Variants in MGMT observed in about 807,000 individuals in gnomAD.
MGMT encodes the protein O-6-methylguanine-DNA methyltransferase, also known as methylated-DNA--protein-cysteine methyltransferase.
In MGMT, 14 loss-of-function variants were observed where a neutral mutation model predicts 15.9. The observed-to-expected ratio is 0.88, with a 90% CI of 0.58 to 1.37. The LOEUF is 1.37. MGMT is among the 40% of genes most tolerant of loss of function. MGMT has a pLI of 0.00. For synonymous variants in MGMT, 130 were observed against 118.2 expected, an observed-to-expected ratio of 1.10 and a Z score of -0.65; for missense variants, 282 against 268.1, an observed-to-expected ratio of 1.05 and a Z score of -0.36.
chr10:129,625,616 CA>C (rs530398677), intron 2 of MGMT, among the ~76,000 whole-genome samples: 9 of 152,032 alleles, frequency 5.9e-5, no homozygotes, highest in African/African-American at 2.2e-4. Flanking sequence ...TCATAGTAAC[CA>C]AAAAAAGCAT....
intron 3 of MGMT, among the ~76,000 whole-genome samples, chr10:129,739,813 A>C (rs1431902170): frequency 1.3e-5 from 2 of 152,118 alleles, no homozygotes; most frequent in African/African-American, 4.8e-5. Flanking sequence ...CATTAGTGTT[A>C]GTTATTTTAT....
At chr10:129,682,501 A>G (rs1485913932) in intron 2 of MGMT, among the ~76,000 whole-genome samples, 2 of 152,068 alleles carry the variant, frequency 1.3e-5, no homozygotes, top group Admixed American at 1.3e-4. Context: ...TCGTAGGTGT[A>G]GCCTGACAGG....
intron 2 of MGMT, among the ~76,000 whole-genome samples, chr10:129,661,888 A>G (rs1190263292): frequency 1.3e-5 from 2 of 152,178 alleles, no homozygotes; most frequent in Non-Finnish European, 2.9e-5. Flanking sequence ...TTTTCTACAT[A>G]GATGGTTTTG....
chr10:129,717,341 C>T (rs1280232637), intron 3 of MGMT, among the ~76,000 whole-genome samples: 1 of 152,226 alleles, frequency 6.6e-6, no homozygotes, highest in Non-Finnish European at 1.5e-5. Context: ...TTCTCCCAGT[C>T]TCTCGTTAAA....
intron 2 of MGMT, among the ~76,000 whole-genome samples, chr10:129,545,769 G>T (rs1370751459): frequency 6.6e-6 from 1 of 152,050 alleles, no homozygotes; most frequent in Non-Finnish European, 1.5e-5. Flanking sequence ...ATTTAAACTG[G>T]CTGCAACTAA....
rs929841142 is a variant in MGMT at position 129,578,499 on chromosome 10, C to G, written c.125+42122C>G. On this transcript the variant is annotated intron_variant, in intron 2 of 4. Transcript: ENST00000651593. ...ATTGAACAATGAGAACACATGGACA[C>G]AGGAAGGGGAACATCACACACTGGG... Among the ~76,000 whole-genome samples, 2 of 140,158 alleles carry G rather than the reference C, an allele frequency of 1.4e-5. 1 individual carries two copies. The highest frequency in any genetic ancestry group is 4.3e-4 in the South Asian group (2 of 4,628). The allele number at this position is 140,158 out of a possible 152,430, so 91.9% of individuals were successfully genotyped here.
Position 129,708,014 on chromosome 10 carries a change from C to T in MGMT, c.245C>T (p.Pro82Leu), listed in dbSNP as rs761952141. The T allele has an allele frequency of 1.4e-5, 22 of 1,613,560 alleles. No homozygotes were observed. Among genetic ancestry groups the T allele is most frequent in the South Asian group, 9.9e-5 (9 of 91,046 alleles). The change falls in exon 3 of 5, where the codon CCG becomes CTG. Residue 82 changes from proline (P) to leucine (L), a missense_variant. Physicochemically the swap from Pro to Leu is moderately conservative, Grantham distance 98. Transcript: ENST00000651593. ...QPEAIEEFPV[P>L]ALHHPVFQQE... ...GAGGCTATCGAAGAGTTCCCCGTGC[C>T]GGCTCTTCACCATCCCGTTTTCCAG...
chr10:129,738,039 C>A (rs571195908), intron 3 of MGMT, among the ~76,000 whole-genome samples: 23 of 152,348 alleles, frequency 1.5e-4, no homozygotes, highest in African/African-American at 5.5e-4. Context: ...GAGGTGGAGC[C>A]TACAGAGGCA....
At chr10:129,673,208 G>A (rs1051172214) in intron 2 of MGMT, among the ~76,000 whole-genome samples, 1 of 151,954 alleles carries the variant, frequency 6.6e-6, no homozygotes. Context: ...CCTCCTGTAC[G>A]CTGGCCCAAA....
chr10:129,622,681 G>A (rs1847103900), intron 2 of MGMT, among the ~76,000 whole-genome samples: 1 of 152,068 alleles, frequency 6.6e-6, no homozygotes, highest in Non-Finnish European at 1.5e-5. Flanking sequence ...GTGTATATGT[G>A]CTTAACTGTT....
At chr10:129,679,493 A>T (rs1222454184) in intron 2 of MGMT, among the ~76,000 whole-genome samples, 1 of 152,180 alleles carries the variant, frequency 6.6e-6, no homozygotes, top group Admixed American at 6.5e-5. Flanking sequence ...ACAGCTTGAG[A>T]AATGTTGGTA....
chr10:129,550,304 G>C (rs1269411095), intron 2 of MGMT, among the ~76,000 whole-genome samples: 1 of 150,758 alleles, frequency 6.6e-6, no homozygotes, highest in Admixed American at 6.6e-5. Flanking sequence ...ATGTTTCACA[G>C]TGTTCCGCAG....
intron 1 of MGMT, among the ~76,000 whole-genome samples, chr10:129,474,015 AC>A (rs2119618768): frequency 6.6e-6 from 1 of 152,276 alleles, no homozygotes; most frequent in South Asian, 2.1e-4. Flanking sequence ...GACTGTGGCT[AC>A]CGGTCAGGTT....
At chr10:129,559,339 A>G (rs56160942) in intron 2 of MGMT, among the ~76,000 whole-genome samples, 4,942 of 152,286 alleles carry the variant, frequency 0.032, 129 homozygotes, top group South Asian at 0.064. Flanking sequence ...CTGCGATCCC[A>G]TAAGACCTTT....
chr10:129,618,040 A>C (rs1564738719), intron 2 of MGMT, among the ~76,000 whole-genome samples: 3 of 151,958 alleles, frequency 2.0e-5, no homozygotes, highest in Non-Finnish European at 4.4e-5. Context: ...TGTCTCCGGG[A>C]TTCTTGGCCT....
intron 1 of MGMT, among the ~76,000 whole-genome samples, chr10:129,502,274 T>C (rs1845581712): frequency 6.6e-6 from 1 of 151,810 alleles, no homozygotes; most frequent in Non-Finnish European, 1.5e-5. Flanking sequence ...GTAACCTCCC[T>C]GTCTGCTTCT....
At chr10:129,613,298 A>G (rs1052995474) in intron 2 of MGMT, among the ~76,000 whole-genome samples, 1 of 152,228 alleles carries the variant, frequency 6.6e-6, no homozygotes, top group African/African-American at 2.4e-5. Context: ...TTTGCTGTCC[A>G]GTGATTAAAA....
At chr10:129,687,505 T>C (rs1847918187) in intron 2 of MGMT, among the ~76,000 whole-genome samples, 1 of 152,210 alleles carries the variant, frequency 6.6e-6, no homozygotes, top group Non-Finnish European at 1.5e-5. Flanking sequence ...AAGGCTTTTA[T>C]AGGAAACTGA....
intron 4 of MGMT, among the ~76,000 whole-genome samples, chr10:129,764,330 G>A (rs55736326): frequency 0.12 from 18,631 of 152,200 alleles, 1,199 homozygotes; most frequent in Middle Eastern, 0.18. Flanking sequence ...TTTTCCAAGG[G>A]GGGCTGGGGC....
Sources: allele counts gnomAD v4.1 joint callset (sites outside exome capture counted in the v4.1 genomes callset), GRCh38; gene constraint gnomAD v4.1.1; transcripts MANE v1.5; gene names NCBI Gene and HGNC (gene_info 2026-07-23, HGNC 2026-07-21).